Variants in PRSS48 observed in about 807,000 individuals in gnomAD.
PRSS48 encodes the protein serine protease 48, also known as epidermis-specific serine protease-like protein.
PRSS48 carries 21 observed loss-of-function variants against 25.6 expected under a neutral mutation model. The observed-to-expected ratio is 0.82, with a 90% CI of 0.58 to 1.18. The LOEUF is 1.18. Among genes scored for constraint, PRSS48 ranks in the 50% most tolerant of loss-of-function variants. The probability of loss-of-function intolerance (pLI) is 0.00; values close to 1 mark genes in which losing one functional copy is unlikely to be tolerated. For missense variants in PRSS48, 373 were observed against 399.3 expected, an observed-to-expected ratio of 0.93 and a Z score of 0.56; for synonymous variants, 150 against 149.3, an observed-to-expected ratio of 1.00 and a Z score of -0.04.
At chr4:151,280,935 T>C (rs1561426927) in intron 2 of PRSS48, among the ~76,000 whole-genome samples, 1 of 152,080 alleles carries the variant, frequency 6.6e-6, no homozygotes, top group Non-Finnish European at 1.5e-5. Flanking sequence ...CATTTTCACA[T>C]ACACAAAGCA....
chr4:151,287,472 A>G (rs1774921611), intron 4 of PRSS48, among the ~76,000 whole-genome samples: 1 of 152,222 alleles, frequency 6.6e-6, no homozygotes, highest in Non-Finnish European at 1.5e-5. Context: ...AGGTGTAAAA[A>G]TCCTCAATGA....
chr4:151,284,243 C>T (rs1774522651), intron 4 of PRSS48, among the ~76,000 whole-genome samples: 1 of 152,168 alleles, frequency 6.6e-6, no homozygotes. Context: ...TATTTTCACA[C>T]AAGTCCATTT....
chr4:151,290,983 T>C, intron 4 of PRSS48, 135 bp from the exon 5 acceptor site: 1 of 606,398 alleles, frequency 1.6e-6, no homozygotes, highest in Non-Finnish European at 2.9e-6. Context: ...AAGCAGTGAT[T>C]AGTCCAGCCC....
At chr4:151,291,815 T>C (rs1289801096), downstream of PRSS48, among the ~76,000 whole-genome samples, 1 of 152,184 alleles carries the variant, frequency 6.6e-6, no homozygotes, top group East Asian at 1.9e-4. Flanking sequence ...CTCGTGCCCA[T>C]GGGTTGCATC....
intron 4 of PRSS48, among the ~76,000 whole-genome samples, chr4:151,286,201 A>AC (rs1173045284): frequency 8.6e-5 from 13 of 150,486 alleles, no homozygotes; most frequent in Non-Finnish European, 1.8e-4. Context: ...AAAAAAAAAA[A>AC]AAACAACTAA....
At chr4:151,283,385 A>T in intron 4 of PRSS48, 99 bp downstream of exon 4, 1 of 1,032,718 alleles carries the variant, frequency 9.7e-7, no homozygotes, top group South Asian at 1.5e-5. Flanking sequence ...GAGTCAGGAG[A>T]TGAGGGTTCT....
At chr4:151,283,429 C>A in intron 4 of PRSS48, 143 bp downstream of exon 4, 1 of 600,488 alleles carries the variant, frequency 1.7e-6, no homozygotes. Context: ...GGACAAATCA[C>A]TTAACTTCTA....
intron 4 of PRSS48, among the ~76,000 whole-genome samples, chr4:151,284,079 C>A (rs965767259): frequency 2.0e-5 from 3 of 152,104 alleles, no homozygotes; most frequent in Admixed American, 6.6e-5. Flanking sequence ...ATTTGGGGTT[C>A]ACTGAGTTTT....
chr4:151,291,335 G>A lies in PRSS48; in HGVS notation c.869G>A (p.Arg290His), dbSNP rs528289824. The A allele has an allele frequency of 1.1e-4, 180 of 1,613,854 alleles. 1 individual carries two copies. In the South Asian group the frequency reaches 1.8e-3, roughly 16 times the overall value. The change falls in exon 5 of 5, where the codon CGT (arginine) becomes CAT (histidine). Residue 290 changes from arginine (R) to histidine (H), a missense_variant. Physicochemically the swap from Arg to His is conservative, Grantham distance 29. Coordinates refer to ENST00000455694, the Ensembl canonical transcript of PRSS48. ...GTCCTACTCTCTCTGGCTCTCCTGCGTCCCTCCTGTGCCTTTGGACCTAAC... is the reference window on the plus strand; with the variant it reads ...GTCCTACTCTCTCTGGCTCTCCTGCATCCCTCCTGTGCCTTTGGACCTAAC...
rs1471788719 is a variant in PRSS48 at position 151,283,236 on chromosome 4, GA to G, written c.603del (p.Asp202ThrfsTer11). On this transcript the variant is annotated frameshift_variant, in exon 4 of 5. Transcript: ENST00000455694. LOFTEE classifies it low-confidence loss of function (END_TRUNC). ...GCCAGCACTGGAGCCAGTCATCAAG[GA>G]AGACAAGATTTGTGCTGGTGATACT... is the stretch of plus-strand genomic sequence containing the variant. The G allele has an allele frequency of 1.2e-6, 2 of 1,613,810 alleles. No individual in the cohort carries two copies. The highest frequency in any genetic ancestry group is 1.7e-6 in the Non-Finnish European group (2 of 1,179,812).
At chr4:151,291,254 A>G in exon 5 of PRSS48, 1 of 1,613,978 alleles carries the variant, frequency 6.2e-7, no homozygotes, top group Non-Finnish European at 8.5e-7. Flanking sequence ...AAATGGATTA[A>G]TGCCACTATT....
intron 1 of PRSS48, among the ~76,000 whole-genome samples, chr4:151,277,567 G>T (rs1022312529): frequency 6.6e-6 from 1 of 152,268 alleles, no homozygotes; most frequent in African/African-American, 2.4e-5. Context: ...TAGAAGGGTA[G>T]TTAAAGAAGG....
chr4:151,284,428 T>C (rs1161806393), intron 4 of PRSS48, among the ~76,000 whole-genome samples: 1 of 152,250 alleles, frequency 6.6e-6, no homozygotes, highest in Admixed American at 6.5e-5. Context: ...TTCTCTCCTC[T>C]CATCCACATA....
chr4:151,286,009 A>T (rs1194444604), intron 4 of PRSS48, among the ~76,000 whole-genome samples: 1 of 151,166 alleles, frequency 6.6e-6, no homozygotes, highest in Admixed American at 6.6e-5. Context: ...CAGCCTGAGC[A>T]ATACAGTGAG....
chr4:151,290,698 AAAAAG>A, intron 4 of PRSS48, among the ~76,000 whole-genome samples: 1 of 152,204 alleles, frequency 6.6e-6, no homozygotes, highest in East Asian at 1.9e-4. Flanking sequence ...AGCTGTTACA[AAAAAG>A]AAAGAGAACA....
At chr4:151,285,049 C>T (rs1286016960) in intron 4 of PRSS48, among the ~76,000 whole-genome samples, 1 of 152,070 alleles carries the variant, frequency 6.6e-6, no homozygotes, top group African/African-American at 2.4e-5. Flanking sequence ...TTTTACCAGC[C>T]ACTATGCATG....
exon 5 of PRSS48, chr4:151,291,425 C>A: frequency 6.2e-7 from 1 of 1,612,878 alleles, no homozygotes; most frequent in Non-Finnish European, 8.5e-7. Context: ...GAAGAGAATG[C>A]ATGGAGATTT....
intron 4 of PRSS48, among the ~76,000 whole-genome samples, chr4:151,284,196 A>G (rs1774517739): frequency 6.6e-6 from 1 of 152,172 alleles, no homozygotes; most frequent in African/African-American, 2.4e-5. Context: ...CTCCCCTTCT[A>G]GATGAAACCA....
At chr4:151,283,246 T>C (rs867455606) in exon 4 of PRSS48, 2 of 1,613,796 alleles carry the variant, frequency 1.2e-6, no homozygotes, top group Non-Finnish European at 1.7e-6. Flanking sequence ...GAAGACAAGA[T>C]TTGTGCTGGT....
Sources: allele counts gnomAD v4.1 joint callset (sites outside exome capture counted in the v4.1 genomes callset), GRCh38; gene constraint gnomAD v4.1.1; transcripts MANE v1.5; gene names NCBI Gene and HGNC (gene_info 2026-07-23, HGNC 2026-07-21).